Variants in EBF1 observed in about 807,000 individuals in gnomAD.
EBF1 encodes EBF transcription factor 1.
A neutral mutation model predicts 68.4 loss-of-function variants in EBF1; 10 were observed. That is an observed-to-expected ratio of 0.15 (90% CI 0.09 to 0.25). The LOEUF (loss-of-function observed/expected upper bound fraction) is 0.25, where lower values mean the gene tolerates loss of function less well. Ranked by LOEUF, EBF1 falls within the 10% of genes least tolerant of loss-of-function variation. The pLI, the probability that EBF1 is intolerant of heterozygous loss-of-function variation, is 1.00. For synonymous variants in EBF1, 298 were observed against 299.8 expected (o/e 0.99, Z 0.06); for missense variants, 509 against 794.4 (o/e 0.64, Z 4.32).
intron 6 of EBF1, among the ~76,000 whole-genome samples, chr5:158,957,490 C>T (rs186915650): frequency 6.6e-6 from 1 of 152,302 alleles, no homozygotes; most frequent in Admixed American, 6.5e-5. Flanking sequence ...ATGTAGAAAA[C>T]AATACGTAGC....
chr5:159,027,794 C>T, intron 6 of EBF1, among the ~76,000 whole-genome samples: 1 of 152,202 alleles, frequency 6.6e-6, no homozygotes, highest in East Asian at 1.9e-4. Flanking sequence ...TTCCAGCCTT[C>T]CAACAACTGT....
chr5:158,985,447 G>A (rs1230475810), intron 6 of EBF1, among the ~76,000 whole-genome samples: 1 of 152,216 alleles, frequency 6.6e-6, no homozygotes, highest in Non-Finnish European at 1.5e-5. Flanking sequence ...TGGAGGCAAA[G>A]GCTAGACATC....
intron 11 of EBF1, among the ~76,000 whole-genome samples, chr5:158,726,416 T>C (rs1762998403): frequency 6.6e-6 from 1 of 151,974 alleles, no homozygotes; most frequent in Non-Finnish European, 1.5e-5. Context: ...AACCAATGAG[T>C]GTAATTACTC....
At chr5:158,777,279 T>C (rs1775488041) in intron 10 of EBF1, 134 bp downstream of exon 10, 4 of 1,049,294 alleles carry the variant, frequency 3.8e-6, no homozygotes, top group Non-Finnish European at 3.8e-6. Flanking sequence ...GTCATACATA[T>C]GGTAAAATGA....
intron 10 of EBF1, among the ~76,000 whole-genome samples, chr5:158,746,215 G>A (rs1767534114): frequency 6.6e-6 from 1 of 152,188 alleles, no homozygotes; most frequent in Non-Finnish European, 1.5e-5. Context: ...AGCACAAGAT[G>A]AAGCAAAAGT....
intron 6 of EBF1, among the ~76,000 whole-genome samples, chr5:158,875,826 C>T (rs1797716933): frequency 6.6e-6 from 1 of 152,226 alleles, no homozygotes; most frequent in African/African-American, 2.4e-5. Flanking sequence ...CATGTGGTTA[C>T]ACAAAACACC....
intron 7 of EBF1, among the ~76,000 whole-genome samples, chr5:158,825,345 C>T (rs1582258053): frequency 6.6e-6 from 1 of 152,250 alleles, no homozygotes; most frequent in South Asian, 2.1e-4. Flanking sequence ...CTGGGTCTTT[C>T]AAAGAAATTT....
In EBF1 at chr5:158,980,480, T is replaced by C. The variant is rs200338877; in HGVS notation, c.554+92916A>G. ...GCCAAGACTCCTCTCTCTGTCTCCA[T>C]GGCGTGAACAGGAATTGGAAACCAG... is the stretch of plus-strand genomic sequence containing the variant. On this transcript the variant is annotated intron_variant, in intron 6 of 15. Transcript: ENST00000313708. 4.6e-5 allele frequency among the ~76,000 whole-genome samples: 7 copies of C among 152,204 alleles called. No individual in the cohort carries two copies. The East Asian group carries it at 1.2e-3, about 25-fold the overall frequency.
At chr5:158,756,556 A>G (rs958542277) in intron 10 of EBF1, among the ~76,000 whole-genome samples, 7 of 151,944 alleles carry the variant, frequency 4.6e-5, no homozygotes, top group Admixed American at 3.9e-4. Flanking sequence ...TGGTTTTTGA[A>G]TTCCTTTTTT....
At chr5:158,940,761 CCG>C (rs1204818558) in intron 6 of EBF1, among the ~76,000 whole-genome samples, 8 of 16,002 alleles carry the variant, frequency 5.0e-4, no homozygotes, top group African/African-American at 1.3e-3. Flanking sequence ...CTTCACCCCA[CCG>C]CCCCCCCCCC....
At chr5:159,076,092 T>A (rs915071989) in intron 5 of EBF1, among the ~76,000 whole-genome samples, 1 of 152,092 alleles carries the variant, frequency 6.6e-6, no homozygotes, top group Non-Finnish European at 1.5e-5. Flanking sequence ...TACATATATG[T>A]GTGTGTATTT....
chr5:158,822,967 C>T (rs1263087277), intron 8 of EBF1, among the ~76,000 whole-genome samples: 1 of 152,056 alleles, frequency 6.6e-6, no homozygotes, highest in Admixed American at 6.5e-5. Context: ...GAGAGTGGTC[C>T]CACAAGAAAG....
In EBF1 at chr5:158,707,970, G is replaced by A. The variant is rs373922358; in HGVS notation, c.1744+9C>T. ...GAATCTGGATTGGCAGGTGGGGCCT[G>A]GGGCTTACCTTGCAGGCTGTTCCCG... On this transcript the variant is annotated intron_variant, in intron 15 of 15. Transcript: ENST00000313708. The A allele has an allele frequency of 6.8e-4, 1,045 of 1,547,926 alleles. 5 individuals are homozygous for A. In the African/African-American group the frequency reaches 0.013, roughly 19 times the overall value.
Position 158,766,786 on chromosome 5 carries a change from TATA to T in EBF1, c.1036+10624_1036+10626del, listed in dbSNP as rs200193094. Among the ~76,000 whole-genome samples, 920 of 152,294 alleles carry T rather than the reference TATA, an allele frequency of 6.0e-3. 10 individuals carry two copies. The highest frequency in any genetic ancestry group is 0.021 in the African/African-American group (859 of 41,566). ...GAACTAACAGAGGAAATGTGTAGTG[TATA>T]ATATAAACAACAAAGCAGGACGCAA... On this transcript the variant is annotated intron_variant, in intron 10 of 15. Coordinates refer to ENST00000313708, the MANE Select transcript of EBF1 (RefSeq NM_024007.5).
chr5:158,937,881 A>C (rs980328229), intron 6 of EBF1, among the ~76,000 whole-genome samples: 3 of 152,032 alleles, frequency 2.0e-5, no homozygotes, highest in Non-Finnish European at 4.4e-5. Flanking sequence ...CCCCACACCC[A>C]CCCCTTGGCC....
intron 7 of EBF1, among the ~76,000 whole-genome samples, chr5:158,824,777 G>A (rs746726733): frequency 1.3e-5 from 2 of 152,208 alleles, no homozygotes; most frequent in African/African-American, 2.4e-5. Context: ...CAGCTTGGAC[G>A]CCAGTCCCCA....
chr5:158,994,070 G>T (rs1760915698), intron 6 of EBF1, among the ~76,000 whole-genome samples: 1 of 152,156 alleles, frequency 6.6e-6, no homozygotes, highest in Non-Finnish European at 1.5e-5. Flanking sequence ...ATTCTATGCT[G>T]GTTCCTGCAC....
At chr5:158,792,680 A>G (rs1352690758) in intron 9 of EBF1, among the ~76,000 whole-genome samples, 1 of 152,200 alleles carries the variant, frequency 6.6e-6, no homozygotes. Context: ...ACAAACCTCA[A>G]GATCATGTGG....
intron 9 of EBF1, among the ~76,000 whole-genome samples, chr5:158,791,201 C>T (rs561939458): frequency 6.6e-6 from 1 of 152,018 alleles, no homozygotes; most frequent in South Asian, 2.1e-4. Flanking sequence ...CACCTGTAGT[C>T]CCAGCTACTT....
Sources: gnomAD v4.1 joint callset for allele counts (sites outside exome capture counted in the v4.1 genomes callset) on GRCh38, gnomAD v4.1.1 for gene constraint, MANE v1.5 for transcripts, NCBI Gene and HGNC (gene_info 2026-07-23, HGNC 2026-07-21) for gene names.